EPHB2: variants seen among roughly 807,000 people sequenced by gnomAD.
The protein encoded by EPHB2 is EPH receptor B2.
A neutral mutation model predicts 96.4 loss-of-function variants in EPHB2; 18 were observed. The observed-to-expected ratio is 0.19, with a 90% CI of 0.13 to 0.28. The LOEUF (loss-of-function observed/expected upper bound fraction) is 0.28, where lower values mean the gene tolerates loss of function less well. Ranked by LOEUF, EPHB2 falls within the 10% of genes least tolerant of loss-of-function variation. The probability of loss-of-function intolerance (pLI) is 1.00; values close to 1 mark genes in which losing one functional copy is unlikely to be tolerated. For synonymous variants in EPHB2, 506 were observed against 534.1 expected, an observed-to-expected ratio of 0.95 and a Z score of 0.72; for missense variants, 989 against 1,355.4, an observed-to-expected ratio of 0.73 and a Z score of 4.25.
intron 1 of EPHB2, among the ~76,000 whole-genome samples, chr1:22,725,664 A>G (rs1329864272): frequency 6.6e-6 from 1 of 152,180 alleles, no homozygotes; most frequent in Admixed American, 6.5e-5. Context: ...GTTCTGGAGA[A>G]GCTGGCCCCC....
At chr1:22,723,190 G>C (rs896343365) in intron 1 of EPHB2, among the ~76,000 whole-genome samples, 2 of 152,246 alleles carry the variant, frequency 1.3e-5, no homozygotes, top group Non-Finnish European at 2.9e-5. Flanking sequence ...TAAGTGGGGA[G>C]AAAGCGGCTT....
Position 22,913,288 on chromosome 1 carries a change from C to T in EPHB2, c.2853-174C>T. The T allele has an allele frequency of 1.3e-6, 1 of 783,096 alleles. No homozygotes were observed. The highest frequency in any genetic ancestry group is 1.7e-5 in the South Asian group (1 of 60,170). The allele number at this position is 783,096 out of a possible 1,614,324, so 48.5% of individuals were successfully genotyped here. A position where few individuals can be genotyped will look rare whatever the true frequency, so the allele number is the denominator to read the frequency against. On this transcript the variant is annotated intron_variant, in intron 15 of 15. Coordinates refer to ENST00000374630, the MANE Select transcript of EPHB2 (RefSeq NM_017449.5). The surrounding 1 kb of genome is among the most constrained non-coding windows in gnomAD (Gnocchi z 4.1). ...TGATTCCGACTCAAGTGCTCTTCCACCTCACACCATAGTCGCTCCCTCCAG... is the reference window on the plus strand; with the variant it reads ...TGATTCCGACTCAAGTGCTCTTCCATCTCACACCATAGTCGCTCCCTCCAG...
At chr1:22,742,967 C>T (rs1479718619) in intron 1 of EPHB2, among the ~76,000 whole-genome samples, 1 of 151,668 alleles carries the variant, frequency 6.6e-6, no homozygotes, top group Non-Finnish European at 1.5e-5. Context: ...TCATGGCTCA[C>T]TGCAGCCTCA....
At chr1:22,905,701 C>T (rs1374389604) in intron 9 of EPHB2, among the ~76,000 whole-genome samples, 2 of 152,206 alleles carry the variant, frequency 1.3e-5, no homozygotes, top group Non-Finnish European at 2.9e-5. Context: ...TCAGTCCTGA[C>T]AGTCTCAGCT....
chr1:22,842,955 C>A (rs1306915088), intron 3 of EPHB2, among the ~76,000 whole-genome samples: 1 of 152,118 alleles, frequency 6.6e-6, no homozygotes, highest in Non-Finnish European at 1.5e-5. Flanking sequence ...CTAGCACATC[C>A]CCCTGTATTT....
intron 3 of EPHB2, among the ~76,000 whole-genome samples, chr1:22,821,302 G>T (rs988927434): frequency 7.9e-5 from 12 of 152,204 alleles, no homozygotes; most frequent in African/African-American, 2.9e-4. Context: ...GCTTGATTCT[G>T]GAATGCCATG....
In EPHB2 at chr1:22,858,093, TG is replaced by T. The variant is rs1483374471; in HGVS notation, c.812-4940del. 6.6e-6 allele frequency among the ~76,000 whole-genome samples: 1 copy of T among 151,966 alleles called. No individual in the cohort carries two copies. The highest frequency in any genetic ancestry group is 1.5e-5 in the Non-Finnish European group (1 of 67,980). ...CTCTCGGAGGAGGTGGCATTTAAGC[TG>T]GGGTCTGAAGGAGGAAAAGGAGCCA... On this transcript the variant is annotated intron_variant, in intron 3 of 15. Coordinates refer to ENST00000374630, the MANE Select transcript of EPHB2 (RefSeq NM_017449.5). The surrounding 1 kb of genome is among the most constrained non-coding windows in gnomAD (Gnocchi z 7.7).
At chr1:22,798,753 T>C (rs192846895) in intron 3 of EPHB2, among the ~76,000 whole-genome samples, 1 of 151,368 alleles carries the variant, frequency 6.6e-6, no homozygotes, top group African/African-American at 2.5e-5. Context: ...AGTTTCCCTG[T>C]TGTTAAATGA....
chr1:22,787,220 T>C (rs1283542907), intron 3 of EPHB2, among the ~76,000 whole-genome samples: 2 of 152,114 alleles, frequency 1.3e-5, no homozygotes, highest in Non-Finnish European at 2.9e-5. Flanking sequence ...GCGCAGAAAA[T>C]GACAGAAGGC....
In EPHB2 at chr1:22,917,570, A is replaced by G. The variant is rs1302601925; in HGVS notation, c.*4000A>G. ...TTCCCCTCACTGAGCCATCTGTAAA[A>G]TGAGAGCATTGGACTGGGTGAGGCA... On this transcript the variant is annotated 3_prime_UTR_variant, in exon 16 of 16. Transcript: ENST00000374630. The G allele has an allele frequency of 6.6e-6, 1 of 152,362 alleles. No individual in the cohort carries two copies. Among genetic ancestry groups the G allele is most frequent in the African/African-American group, 2.4e-5 (1 of 41,568 alleles). The allele number at this position is 152,362 out of a possible 1,614,324, so 9.4% of individuals were successfully genotyped here.
intron 1 of EPHB2, among the ~76,000 whole-genome samples, chr1:22,761,057 A>C (rs1644228530): frequency 6.6e-6 from 1 of 152,170 alleles, no homozygotes; most frequent in African/African-American, 2.4e-5. Context: ...CTAGGCTGGC[A>C]GCATCAGCAT....
Position 22,733,659 on chromosome 1 carries a change from A to G in EPHB2, c.61+22616A>G, listed in dbSNP as rs778603111. Among the ~76,000 whole-genome samples, 2 of 152,232 alleles carry G rather than the reference A, an allele frequency of 1.3e-5. No individual in the cohort carries two copies. The highest frequency in any genetic ancestry group is 2.9e-5 in the Non-Finnish European group (2 of 68,052). ...GGAAAACTGAATCTCTGAGAGGTTCAGTAAATTGCCCAAGGCCACATAGCC... is the reference window on the plus strand; with the variant it reads ...GGAAAACTGAATCTCTGAGAGGTTCGGTAAATTGCCCAAGGCCACATAGCC... On this transcript the variant is annotated intron_variant, in intron 1 of 15. Coordinates refer to ENST00000374630, the MANE Select transcript of EPHB2 (RefSeq NM_017449.5). This position sits in a 1 kb window ranked among gnomAD's most constrained non-coding sequence, Gnocchi z 4.6.
chr1:22,874,308 C>T (rs1570421118), intron 5 of EPHB2, among the ~76,000 whole-genome samples: 2 of 152,318 alleles, frequency 1.3e-5, no homozygotes, highest in East Asian at 1.9e-4. Context: ...AGGTAGGCTG[C>T]CCAGACCACC....
At chr1:22,745,351 A>G (rs1326143361) in intron 1 of EPHB2, among the ~76,000 whole-genome samples, 2 of 152,210 alleles carry the variant, frequency 1.3e-5, no homozygotes, top group Non-Finnish European at 2.9e-5. Context: ...ACCAAACAAT[A>G]CATACCCGAC....
intron 7 of EPHB2, among the ~76,000 whole-genome samples, chr1:22,894,910 A>G (rs1159020178): frequency 3.9e-5 from 6 of 152,242 alleles, no homozygotes; most frequent in Admixed American, 6.5e-5. Context: ...ACTCAGGGAC[A>G]AGAATAGTTA....
chr1:22,867,875 G>C (rs1421247138), intron 5 of EPHB2, among the ~76,000 whole-genome samples: 1 of 151,812 alleles, frequency 6.6e-6, no homozygotes, highest in African/African-American at 2.4e-5. Flanking sequence ...CCATCTCGAA[G>C]AAGAAGAAAA....
rs962765516 is a variant in EPHB2 at position 22,860,613 on chromosome 1, G to C, written c.812-2424G>C. 6.6e-6 allele frequency among the ~76,000 whole-genome samples: 1 copy of C among 152,008 alleles called. No individual in the cohort carries two copies. Among genetic ancestry groups the C allele is most frequent in the African/African-American group, 2.4e-5 (1 of 41,368 alleles). On this transcript the variant is annotated intron_variant, in intron 3 of 15. Coordinates refer to ENST00000374630, the MANE Select transcript of EPHB2 (RefSeq NM_017449.5). The surrounding 1 kb of genome is among the most constrained non-coding windows in gnomAD (Gnocchi z 4.6). ...GAGAGAGAGCAGCCACCCACTGGCG[G>C]CCCCCCCGGGAATGCCCCGCAGATG...
At chr1:22,908,828 G>C (rs1314684585) in intron 12 of EPHB2, among the ~76,000 whole-genome samples, 194 bp from the exon 13 acceptor site, 2 of 152,192 alleles carry the variant, frequency 1.3e-5, no homozygotes, top group African/African-American at 4.8e-5. Context: ...GAGGTTTCCA[G>C]ATGGCAGAGT....
chr1:22,903,844 A>T, intron 9 of EPHB2, among the ~76,000 whole-genome samples: 1 of 152,192 alleles, frequency 6.6e-6, no homozygotes, highest in Non-Finnish European at 1.5e-5. Flanking sequence ...AATCAGAAAA[A>T]AAACATGTGT....
Sources: allele counts gnomAD v4.1 joint callset (sites outside exome capture counted in the v4.1 genomes callset), GRCh38; gene constraint gnomAD v4.1.1; non-coding constraint Gnocchi (gnomAD v3.1); transcripts MANE v1.5; gene names NCBI Gene and HGNC (gene_info 2026-07-23, HGNC 2026-07-21).